The following ZMYND11 variants were observed in gnomAD, a reference collection of about 807,000 sequenced individuals.
ZMYND11 encodes zinc finger MYND-type containing 11.
A neutral mutation model predicts 84.9 loss-of-function variants in ZMYND11; 9 were observed. That is an observed-to-expected ratio of 0.11 (90% CI 0.06 to 0.18). The LOEUF (loss-of-function observed/expected upper bound fraction) is 0.18, where lower values mean the gene tolerates loss of function less well. Ranked by LOEUF, ZMYND11 falls within the 10% of genes least tolerant of loss-of-function variation. The probability of loss-of-function intolerance (pLI) is 1.00; values close to 1 mark genes in which losing one functional copy is unlikely to be tolerated. For synonymous variants in ZMYND11, 250 were observed against 244.1 expected, an observed-to-expected ratio of 1.02 and a Z score of -0.23; for missense variants, 409 against 761.0, an observed-to-expected ratio of 0.54 and a Z score of 5.44.
chr10:178,261 T>G (rs1554767319), intron 1 of ZMYND11, among the ~76,000 whole-genome samples: 1 of 152,256 alleles, frequency 6.6e-6, no homozygotes, highest in African/African-American at 2.4e-5. Flanking sequence ...GGTCGCCGTT[T>G]ATACAGTTTT....
intron 1 of ZMYND11, 48 bp from the exon 2 acceptor site, chr10:179,946 C>A: frequency 8.7e-7 from 1 of 1,155,166 alleles, no homozygotes; most frequent in Non-Finnish European, 1.3e-6. Flanking sequence ...ACTGATAATT[C>A]ATTTTGTAAT....
chr10:159,176 T>A (rs1842455620), intron 1 of ZMYND11, among the ~76,000 whole-genome samples: 1 of 151,662 alleles, frequency 6.6e-6, no homozygotes, highest in South Asian at 2.1e-4. Context: ...CATACCGTAT[T>A]CAGCCAGTTC....
At chr10:219,081 C>CT (rs1946685898) in intron 3 of ZMYND11, among the ~76,000 whole-genome samples, 1 of 152,150 alleles carries the variant, frequency 6.6e-6, no homozygotes, top group South Asian at 2.1e-4. Context: ...AGATGTTTCT[C>CT]TTTTACTTCA....
upstream of ZMYND11, among the ~76,000 whole-genome samples, chr10:133,621 T>C (rs1241767231): frequency 6.6e-6 from 1 of 152,222 alleles, no homozygotes; most frequent in Non-Finnish European, 1.5e-5. Flanking sequence ...TTCTCTAAAA[T>C]ACACAGAACC....
intron 2 of ZMYND11, among the ~76,000 whole-genome samples, chr10:195,577 C>T (rs1941538955): frequency 6.6e-6 from 1 of 152,076 alleles, no homozygotes; most frequent in African/African-American, 2.4e-5. Flanking sequence ...CAAAAGAATA[C>T]ATGCAGTATG....
intron 2 of ZMYND11, among the ~76,000 whole-genome samples, chr10:200,204 G>GA (rs1348487909): frequency 9.2e-6 from 1 of 108,114 alleles, no homozygotes. Flanking sequence ...TGCCTGGCTA[G>GA]GGTGTGTGTG....
At chr10:137,762 T>G (rs1290552557) in intron 1 of ZMYND11, among the ~76,000 whole-genome samples, 1 of 152,216 alleles carries the variant, frequency 6.6e-6, no homozygotes, top group Non-Finnish European at 1.5e-5. Flanking sequence ...GGTTACATTA[T>G]AGTTGTTATT....
chr10:179,433 T>C (rs1006075693), intron 1 of ZMYND11, among the ~76,000 whole-genome samples: 1 of 152,214 alleles, frequency 6.6e-6, no homozygotes, highest in African/African-American at 2.4e-5. Flanking sequence ...TTCTTCATAA[T>C]TTGTGACCTT....
chr10:248,198 C>T (rs1292996302), intron 12 of ZMYND11, 138 bp from the exon 13 acceptor site: 7 of 1,119,658 alleles, frequency 6.3e-6, no homozygotes, highest in East Asian at 2.4e-5. Flanking sequence ...ACATCTACCA[C>T]CCTAACTACA....
In ZMYND11 at chr10:240,904, G is replaced by A. The variant is rs766980417; in HGVS notation, c.765G>A (p.Leu255=). 1 of 1,613,228 alleles carries A rather than the reference G, an allele frequency of 6.2e-7. No homozygotes were observed. The highest frequency in any genetic ancestry group is 1.7e-5 in the Admixed American group (1 of 59,960). ...YKDTCHELDE[L]QLCKNCFYLS... Reference sequence around the variant, plus strand: ...CTTTTCTTTTTCAGCTGGATGAACTGCAGCTTTGCAAGAATTGCTTTTACT... The same window carrying A: ...CTTTTCTTTTTCAGCTGGATGAACTACAGCTTTGCAAGAATTGCTTTTACT... The change falls in exon 9 of 15, where the codon CTG becomes CTA. Residue 255 remains leucine, a synonymous_variant. Coordinates refer to ENST00000381604, the MANE Select transcript of ZMYND11 (RefSeq NM_001370100.5).
At chr10:208,528 A>G (rs1293911935) in intron 2 of ZMYND11, among the ~76,000 whole-genome samples, 2 of 152,258 alleles carry the variant, frequency 1.3e-5, no homozygotes, top group Admixed American at 6.5e-5. Flanking sequence ...TGCAGCCAAA[A>G]GACACATGAA....
chr10:154,311 C>G (rs1201747291), intron 1 of ZMYND11, among the ~76,000 whole-genome samples: 2 of 152,192 alleles, frequency 1.3e-5, no homozygotes, highest in African/African-American at 2.4e-5. Context: ...GTTATAGTGT[C>G]TCTGTAAGGC....
chr10:210,159 C>T, intron 3 of ZMYND11, 111 bp downstream of exon 3: 1 of 1,213,788 alleles, frequency 8.2e-7, no homozygotes, highest in South Asian at 1.5e-5. Flanking sequence ...TTCATTTTAA[C>T]ATTTGTATCA....
At chr10:160,835 C>T (rs1842787593) in intron 1 of ZMYND11, among the ~76,000 whole-genome samples, 1 of 152,116 alleles carries the variant, frequency 6.6e-6, no homozygotes, top group African/African-American at 2.4e-5. Context: ...AGGGCTCCTC[C>T]CATTTCCACC....
intron 3 of ZMYND11, among the ~76,000 whole-genome samples, chr10:212,039 T>C (rs1945332598): frequency 6.6e-6 from 1 of 152,192 alleles, no homozygotes; most frequent in African/African-American, 2.4e-5. Context: ...TGTATAGTAA[T>C]TAACTAACAG....
chr10:165,960 A>G (rs544581938), intron 1 of ZMYND11, among the ~76,000 whole-genome samples: 15 of 152,260 alleles, frequency 9.9e-5, no homozygotes, highest in African/African-American at 2.4e-4. Context: ...CCATACATCT[A>G]TGGCTGTTGA....
chr10:145,192 A>C (rs1554754933), intron 1 of ZMYND11, among the ~76,000 whole-genome samples: 3 of 150,428 alleles, frequency 2.0e-5, no homozygotes, highest in African/African-American at 7.3e-5. Flanking sequence ...ATGTGTATAT[A>C]CATATGTGTG....
At chr10:224,054 G>C (rs753325807) in intron 4 of ZMYND11, among the ~76,000 whole-genome samples, 24 of 152,078 alleles carry the variant, frequency 1.6e-4, no homozygotes, top group African/African-American at 5.5e-4. Context: ...AATAATAAAT[G>C]GAAGCTAACC....
At chr10:184,111 C>T (rs1848443241) in intron 2 of ZMYND11, among the ~76,000 whole-genome samples, 1 of 152,084 alleles carries the variant, frequency 6.6e-6, no homozygotes, top group Admixed American at 6.5e-5. Flanking sequence ...TTACTTAACT[C>T]TTCTATCTAA....
Sources: allele counts gnomAD v4.1 joint callset (sites outside exome capture counted in the v4.1 genomes callset), GRCh38; gene constraint gnomAD v4.1.1; transcripts MANE v1.5; gene names NCBI Gene and HGNC (gene_info 2026-07-23, HGNC 2026-07-21).